Variants in CSMD1 observed in about 807,000 individuals in gnomAD.
The protein encoded by CSMD1 is CUB and sushi domain-containing protein 1.
In CSMD1, 213 loss-of-function variants were observed where a neutral mutation model predicts 417.5. That is an observed-to-expected ratio of 0.51 (90% confidence interval 0.46 to 0.57). The LOEUF (loss-of-function observed/expected upper bound fraction) is 0.57. Among genes scored for constraint, CSMD1 ranks in the 20% least tolerant of loss-of-function variants. The probability of loss-of-function intolerance (pLI) is 0.00; values close to 1 mark genes in which losing one functional copy is unlikely to be tolerated. For synonymous variants in CSMD1, 2,862 were observed against 1,736.8 expected (o/e 1.65, Z -16.11); for missense variants, 6,923 against 4,529.7 (o/e 1.53, Z -15.17).
chr8:3,986,358 T>A (rs1248863545), intron 5 of CSMD1, among the ~76,000 whole-genome samples: 1 of 152,132 alleles, frequency 6.6e-6, no homozygotes, highest in Non-Finnish European at 1.5e-5. Context: ...CCCTGAGCAC[T>A]GAGACACCCC....
chr8:4,881,357 A>T lies in CSMD1; in HGVS notation c.85+112975T>A, dbSNP rs545537198. On this transcript the variant is annotated intron_variant, in intron 1 of 69. Coordinates refer to ENST00000635120, the MANE Select transcript of CSMD1 (RefSeq NM_033225.6). ...AACTAATATACTATGGTTACACAGT[A>T]ACTATTTTGTGAGCAATTAAATGGA... Among the ~76,000 whole-genome samples, 3 of 152,118 alleles carry T rather than the reference A, an allele frequency of 2.0e-5. No individual in the cohort carries two copies. The South Asian group carries it at 6.2e-4, about 32-fold the overall frequency.
At chr8:4,176,109 G>C (rs1215604992) in intron 3 of CSMD1, among the ~76,000 whole-genome samples, 1 of 152,076 alleles carries the variant, frequency 6.6e-6, no homozygotes, top group Non-Finnish European at 1.5e-5. Context: ...CCTTCTTGTA[G>C]ACAGAAAGTC....
At chr8:3,414,929 C>T (rs548168981) in intron 12 of CSMD1, among the ~76,000 whole-genome samples, 31 of 152,244 alleles carry the variant, frequency 2.0e-4, no homozygotes, top group African/African-American at 4.8e-4. Context: ...CTCTTTTCTG[C>T]GGCAAGACCT....
chr8:4,006,491 C>T (rs1039342270), intron 4 of CSMD1, among the ~76,000 whole-genome samples: 1 of 152,092 alleles, frequency 6.6e-6, no homozygotes, highest in Non-Finnish European at 1.5e-5. Flanking sequence ...TTGCAGTGAG[C>T]CAAGATCACC....
chr8:4,521,258 G>A (rs1012660464), intron 2 of CSMD1, among the ~76,000 whole-genome samples: 1 of 152,016 alleles, frequency 6.6e-6, no homozygotes, highest in African/African-American at 2.4e-5. Flanking sequence ...AGTGTCATGG[G>A]GTCAAGACAT....
At chr8:3,420,413 A>C (rs1445680954) in intron 12 of CSMD1, among the ~76,000 whole-genome samples, 1 of 150,906 alleles carries the variant, frequency 6.6e-6, no homozygotes, top group Non-Finnish European at 1.5e-5. Context: ...GGACAGGAAG[A>C]GGACACTAGG....
At chr8:3,629,261 C>A (rs562349996) in intron 7 of CSMD1, among the ~76,000 whole-genome samples, 1 of 152,002 alleles carries the variant, frequency 6.6e-6, no homozygotes, top group Non-Finnish European at 1.5e-5. Flanking sequence ...ACCATGAAGA[C>A]CCTTTCTGAA....
intron 3 of CSMD1, among the ~76,000 whole-genome samples, chr8:4,117,212 C>A (rs1391374544): frequency 6.8e-6 from 1 of 147,756 alleles, no homozygotes; most frequent in African/African-American, 2.5e-5. Context: ...CTTCCAAGGA[C>A]CCCCTCCATC....
intron 7 of CSMD1, among the ~76,000 whole-genome samples, chr8:3,643,677 G>A (rs1210663764): frequency 7.2e-6 from 1 of 138,580 alleles, no homozygotes; most frequent in Non-Finnish European, 1.5e-5. Flanking sequence ...CCCCAGCCTG[G>A]GCGACAGCGT....
chr8:3,974,155 C>T (rs1813262871), intron 5 of CSMD1, among the ~76,000 whole-genome samples: 1 of 152,038 alleles, frequency 6.6e-6, no homozygotes. Context: ...TCTACATGTA[C>T]AGAGGCACTC....
chr8:4,423,069 A>T lies in CSMD1; in HGVS notation c.303-3004T>A, dbSNP rs189099195. Among the ~76,000 whole-genome samples the T allele has an allele frequency of 2.1e-3, 321 of 152,152 alleles. 1 individual carries two copies. The highest frequency in any genetic ancestry group is 5.6e-3 in the South Asian group (27 of 4,828). ...ATCTCTACAAAAATAAAAAAAATTTAAAAAAGCCTAAAGATAACATTTTGC... is the reference window on the plus strand; with the variant it reads ...ATCTCTACAAAAATAAAAAAAATTTTAAAAAGCCTAAAGATAACATTTTGC... On this transcript the variant is annotated intron_variant, in intron 2 of 69. Transcript: ENST00000635120.
chr8:4,910,088 T>C (rs1003820459), intron 1 of CSMD1, among the ~76,000 whole-genome samples: 3 of 152,254 alleles, frequency 2.0e-5, no homozygotes, highest in African/African-American at 7.2e-5. Flanking sequence ...CAGACTTTAC[T>C]TAGGACTGAA....
intron 3 of CSMD1, among the ~76,000 whole-genome samples, chr8:4,335,112 G>C (rs186830049): frequency 2.2e-4 from 34 of 152,136 alleles, no homozygotes; most frequent in African/African-American, 7.0e-4. Flanking sequence ...ATGTTGCCCA[G>C]ATTGATCTTC....
intron 1 of CSMD1, among the ~76,000 whole-genome samples, chr8:4,838,867 T>C (rs907973875): frequency 2.6e-5 from 4 of 152,324 alleles, no homozygotes; most frequent in South Asian, 2.1e-4. Flanking sequence ...CTATCTCCAG[T>C]AGCAATCTTT....
intron 10 of CSMD1, among the ~76,000 whole-genome samples, chr8:3,548,144 C>T (rs934424024): frequency 2.0e-5 from 3 of 152,134 alleles, no homozygotes; most frequent in Non-Finnish European, 2.9e-5. Context: ...ATGACTCTAT[C>T]GGTACATGTA....
rs578254146 is a variant in CSMD1 at position 4,333,899 on chromosome 8, T to A, written c.415+86054A>T. Among the ~76,000 whole-genome samples, 283 of 152,224 alleles carry A rather than the reference T, an allele frequency of 1.9e-3. 2 individuals are homozygous for A. The highest frequency in any genetic ancestry group is 6.3e-3 in the African/African-American group (263 of 41,542). On this transcript the variant is annotated intron_variant, in intron 3 of 69. Coordinates refer to ENST00000635120, the MANE Select transcript of CSMD1 (RefSeq NM_033225.6). ...ACAATTTTTCCCCTTTATTTCTTTT[T>A]GTTTTGTTTTGAGAAAAGTTCTCAC...
chr8:4,413,771 G>T (rs545828778), intron 3 of CSMD1, among the ~76,000 whole-genome samples: 1 of 151,936 alleles, frequency 6.6e-6, no homozygotes, highest in African/African-American at 2.4e-5. Flanking sequence ...GAGGACAAAC[G>T]AGAGATTTCG....
At chr8:4,465,252 T>A (rs1278044754) in intron 2 of CSMD1, among the ~76,000 whole-genome samples, 1 of 152,168 alleles carries the variant, frequency 6.6e-6, no homozygotes, top group African/African-American at 2.4e-5. Flanking sequence ...TGTGTCTCTT[T>A]CATCTTTTTT....
intron 1 of CSMD1, among the ~76,000 whole-genome samples, chr8:4,965,233 G>A (rs1004765890): frequency 2.0e-5 from 3 of 152,166 alleles, no homozygotes; most frequent in African/African-American, 7.2e-5. Context: ...ACACATTTCA[G>A]ATTTTAAAAA....
Sources: allele counts gnomAD v4.1 joint callset (sites outside exome capture counted in the v4.1 genomes callset), GRCh38; gene constraint gnomAD v4.1.1; transcripts MANE v1.5; gene names NCBI Gene and HGNC (gene_info 2026-07-23, HGNC 2026-07-21).